The following KIF4A variants were observed in gnomAD, a reference collection of about 807,000 sequenced individuals.
KIF4A encodes the protein kinesin family member 4A.
KIF4A carries 7 observed loss-of-function variants against 105.9 expected under a neutral mutation model. The observed-to-expected ratio is 0.07, with a 90% CI of 0.04 to 0.12. KIF4A has a LOEUF of 0.12. Among genes scored for constraint, KIF4A ranks in the 10% least tolerant of loss-of-function variants. The pLI is 1.00. For synonymous variants in KIF4A, 281 were observed against 331.3 expected (o/e 0.85, Z 1.65); for missense variants, 558 against 929.2 (o/e 0.60, Z 5.19).
rs1474577004 is a variant in KIF4A, at chrX:70,341,914, T to A, written c.1249T>A (p.Leu417Met). 2 of 1,208,417 alleles carry A rather than the reference T, an allele frequency of 1.7e-6. No individual in the cohort carries two copies. Among genetic ancestry groups the A allele is most frequent in the Non-Finnish European group, 2.2e-6 (2 of 894,375 alleles). Reference protein sequence around the residue: ...SEAAGQTAQMLERIILTEQAN... With the variant: ...SEAAGQTAQMMERIILTEQAN... Reference sequence around the variant, plus strand: ...GGCAGCTGGTCAGACAGCCCAGATGTTGGAGAGGATCATTTTGGTAAGCCC... The same window carrying A: ...GGCAGCTGGTCAGACAGCCCAGATGATGGAGAGGATCATTTTGGTAAGCCC... Residue 417 changes from leucine (L) to methionine (M), a missense_variant, in exon 11 of 31, where the codon TTG becomes ATG. Physicochemically the swap from Leu to Met is conservative, Grantham distance 15. Coordinates refer to ENST00000374403, the MANE Select transcript of KIF4A (RefSeq NM_012310.5).
Position 70,358,283 on chromosome X carries a change from G to A in KIF4A, c.1674+4476G>A, listed in dbSNP as rs1602770732. ...TAGAAATTTGTACTCCTTTCTGGGC[G>A]GTTTTTTTCCTATCATTTCTTTGAT... On this transcript the variant is annotated intron_variant, in intron 15 of 30. Transcript: ENST00000374403. 3.8e-5 allele frequency among the ~76,000 whole-genome samples: 3 copies of A among 78,660 alleles called. No homozygotes were observed. The South Asian group carries it at 1.8e-3, about 48-fold the overall frequency. 68.3% of individuals were successfully genotyped at this position (78,660 alleles called of 115,157 possible). A position where few individuals can be genotyped will look rare whatever the true frequency, so the allele number is the denominator to read the frequency against.
intron 27 of KIF4A, among the ~76,000 whole-genome samples, chrX:70,406,675 T>C (rs768420658): frequency 1.2e-4 from 13 of 111,270 alleles, no homozygotes; most frequent in Non-Finnish European, 2.1e-4. Flanking sequence ...CTCCCTCAGA[T>C]TGGTCAGCCT....
chrX:70,408,235 G>A (rs2043456621), intron 28 of KIF4A, among the ~76,000 whole-genome samples: 1 of 111,331 alleles, frequency 9.0e-6, no homozygotes, highest in Admixed American at 9.6e-5. Flanking sequence ...CCCACATCAT[G>A]GTTATGTCAG....
rs749982218 is a variant in KIF4A at position 70,299,328 on chromosome X, T to C, written c.516+126T>C. 8 of 470,838 alleles carry C rather than the reference T, an allele frequency of 1.7e-5. No homozygotes were observed. In the South Asian group the frequency reaches 4.1e-4, roughly 24 times the overall value. 38.8% of individuals were successfully genotyped at this position (470,838 alleles called of 1,213,427 possible). ...ATCATCTCAGTCAGGTTTTCTGTGG[T>C]CCTAAGTCCCTTTGTTAATCTAAAA... On this transcript the variant is annotated intron_variant, in intron 5 of 30. Transcript: ENST00000374403.
chrX:70,369,241 G>A (rs1021207255), intron 15 of KIF4A, among the ~76,000 whole-genome samples: 2 of 112,075 alleles, frequency 1.8e-5, no homozygotes, highest in African/African-American at 3.2e-5. Flanking sequence ...CGCTTGGTGC[G>A]CTGCACACAC....
intron 15 of KIF4A, among the ~76,000 whole-genome samples, chrX:70,366,773 G>T (rs905968218): frequency 3.6e-5 from 4 of 111,473 alleles, no homozygotes; most frequent in African/African-American, 9.8e-5. Flanking sequence ...GGTCCGCTTG[G>T]TGCAGAGCTG....
intron 10 of KIF4A, among the ~76,000 whole-genome samples, chrX:70,337,303 T>C (rs2085954074): frequency 9.0e-6 from 1 of 111,181 alleles, no homozygotes; most frequent in African/African-American, 3.3e-5. Context: ...TGTGCTAAAA[T>C]AGCACCTGTG....
chrX:70,419,084 CAA>C (rs1157047497), intron 29 of KIF4A, among the ~76,000 whole-genome samples: 14 of 56,946 alleles, frequency 2.5e-4, no homozygotes, highest in Admixed American at 6.7e-4. Context: ...GACTCCATCT[CAA>C]AAAAAAAAAA....
At chrX:70,342,292 T>C (rs2085975500) in intron 11 of KIF4A, among the ~76,000 whole-genome samples, 1 of 112,352 alleles carries the variant, frequency 8.9e-6, no homozygotes, top group African/African-American at 3.2e-5. Context: ...CTCCAAGATT[T>C]TAGTTATTTT....
chrX:70,372,103 G>A (rs1195250448), intron 15 of KIF4A, among the ~76,000 whole-genome samples: 31 of 104,590 alleles, frequency 3.0e-4, no homozygotes, highest in Middle Eastern at 5.2e-3. Context: ...GGGAAGAGGC[G>A]CTCCTCACTT....
intron 9 of KIF4A, among the ~76,000 whole-genome samples, chrX:70,331,524 A>G (rs955099666): frequency 1.8e-5 from 2 of 109,827 alleles, no homozygotes; most frequent in African/African-American, 6.6e-5. Context: ...TAATTTAAAA[A>G]TACTTTATTG....
At chrX:70,419,972 G>T in intron 30 of KIF4A, 90 bp from the exon 31 acceptor site, 1 of 989,920 alleles carries the variant, frequency 1.0e-6, no homozygotes, top group South Asian at 2.2e-5. Flanking sequence ...TCATACTACT[G>T]GGAGTATGTC....
intron 13 of KIF4A, among the ~76,000 whole-genome samples, chrX:70,347,771 C>G (rs182755695): frequency 0.017 from 1,760 of 102,108 alleles, 25 homozygotes; most frequent in Non-Finnish European, 0.027. Flanking sequence ...GTCAGGAGAT[C>G]GAGACCATCC....
Position 70,404,012 on chromosome X carries a change from T to C in KIF4A, c.2768T>C (p.Met923Thr). Residue 923 changes from methionine to threonine, a missense_variant, in exon 24 of 31, where the codon ATG becomes ACG. Met to Thr is a moderately conservative substitution (Grantham distance 81). Transcript: ENST00000374403. Reference sequence around the variant, plus strand: ...GAGTTACAAGCTGAGCTGGTCAGAATGGAGCAACAGCACCAAGAGAAGGTA... The same window carrying C: ...GAGTTACAAGCTGAGCTGGTCAGAACGGAGCAACAGCACCAAGAGAAGGTA... The part of the protein sequence containing the change: ...ETELQAELVR[M>T]EQQHQEKVLY... The C allele has an allele frequency of 2.5e-6, 3 of 1,211,533 alleles. No individual in the cohort carries two copies. Among genetic ancestry groups the C allele is most frequent in the Non-Finnish European group, 3.4e-6 (3 of 895,438 alleles).
At position 70,417,990 on chromosome X, in the gene KIF4A, C is replaced by T. The variant is rs1420948728; in HGVS notation, c.3358C>T (p.Arg1120Cys). The T allele has an allele frequency of 4.1e-6, 5 of 1,206,436 alleles. No individual in the cohort carries two copies. The highest frequency in any genetic ancestry group is 5.9e-5 in the East Asian group (2 of 33,710). ...CCCDPTKCRN[R>C]QQGKDSLGTV... ...CTGTGACCCCACAAAGTGTCGGAACCGCCAGCAAGGCAAGGTAGGATCAGG... is the reference window on the plus strand; with the variant it reads ...CTGTGACCCCACAAAGTGTCGGAACTGCCAGCAAGGCAAGGTAGGATCAGG... Residue 1120 changes from arginine to cysteine, a missense_variant, in exon 29 of 31, where the codon CGC (arginine) becomes TGC (cysteine). This residue lies in a region of KIF4A where 469 missense variants were observed against 680.4 expected (regional missense o/e 0.69). Transcript: ENST00000374403.
chrX:70,409,015 G>A (rs1458562119), intron 28 of KIF4A, among the ~76,000 whole-genome samples: 1 of 111,366 alleles, frequency 9.0e-6, no homozygotes, highest in Non-Finnish European at 1.9e-5. Context: ...ACAGGTGCCC[G>A]CCACCATGCC....
Position 70,355,556 on chromosome X carries a change from C to T in KIF4A, c.1674+1749C>T, listed in dbSNP as rs143695786. ...ATATTCCTGCTGCTGGAATGCAATA[C>T]GAGAACCACTGGCCTAGAATGGTGC... On this transcript the variant is annotated intron_variant, in intron 15 of 30. Coordinates refer to ENST00000374403, the MANE Select transcript of KIF4A (RefSeq NM_012310.5). 1.2e-3 allele frequency among the ~76,000 whole-genome samples: 134 copies of T among 111,890 alleles called. 1 individual carries two copies. Among genetic ancestry groups the T allele is most frequent in the African/African-American group, 4.1e-3 (126 of 30,804 alleles).
Position 70,373,544 on chromosome X carries a change from A to G in KIF4A, c.1675-607A>G, listed in dbSNP as rs1156763331. On this transcript the variant is annotated intron_variant, in intron 15 of 30. Transcript: ENST00000374403. ...TGTATGTATATATATATATATATAT[A>G]TATATATATATACGTATATATATAC... Among the ~76,000 whole-genome samples the G allele has an allele frequency of 1.9e-4, 9 of 48,079 alleles. 2 individuals carry two copies. The East Asian group carries it at 4.2e-3, about 23-fold the overall frequency. 41.8% of individuals were successfully genotyped at this position (48,079 alleles called of 115,157 possible).
chrX:70,368,174 A>C (rs767761477), intron 15 of KIF4A, among the ~76,000 whole-genome samples: 25 of 111,558 alleles, frequency 2.2e-4, no homozygotes, highest in Non-Finnish European at 4.7e-4. Flanking sequence ...CAAGGTTTTT[A>C]ACTTCTTTGT....
Sources: allele counts gnomAD v4.1 joint callset (sites outside exome capture counted in the v4.1 genomes callset), GRCh38; gene constraint gnomAD v4.1.1; regional missense constraint gnomAD v4.1.1; transcripts MANE v1.5; gene names NCBI Gene and HGNC (gene_info 2026-07-23, HGNC 2026-07-21).